Variants in POLQ observed in about 807,000 individuals in gnomAD.
POLQ encodes the protein DNA polymerase theta, also known as epididymis secretory sperm binding protein.
In POLQ, 233 loss-of-function variants were observed where a neutral mutation model predicts 259.2. That is an observed-to-expected ratio of 0.90 (90% CI 0.81 to 1.00). The LOEUF is 1.00. POLQ is among the 50% of genes least tolerant of loss of function. The pLI, the probability that POLQ is intolerant of heterozygous loss-of-function variation, is 0.00. For synonymous variants in POLQ, 1,025 were observed against 1,048.8 expected, an observed-to-expected ratio of 0.98 and a Z score of 0.44; for missense variants, 2,871 against 3,051.6, an observed-to-expected ratio of 0.94 and a Z score of 1.39.
chr3:121,534,356 G>T (rs188127513), intron 5 of POLQ, among the ~76,000 whole-genome samples: 21 of 151,216 alleles, frequency 1.4e-4, no homozygotes, highest in Non-Finnish European at 7.4e-5. Flanking sequence ...TTGAGACAGG[G>T]TCTAGCTCTG....
intron 19 of POLQ, 76 bp downstream of exon 19, chr3:121,481,496 A>T: frequency 7.8e-7 from 1 of 1,286,964 alleles, no homozygotes; most frequent in East Asian, 2.3e-5. Context: ...TGTGTAATTT[A>T]CCCATTTTTG....
intron 7 of POLQ, among the ~76,000 whole-genome samples, chr3:121,529,052 C>CT (rs1276875722): frequency 2.6e-5 from 4 of 151,686 alleles, no homozygotes; most frequent in Admixed American, 2.0e-4. Flanking sequence ...CATGACATAC[C>CT]TTTTTCTTTT....
intron 28 of POLQ, among the ~76,000 whole-genome samples, chr3:121,435,119 G>T (rs528574582): frequency 6.6e-6 from 1 of 152,144 alleles, no homozygotes; most frequent in Admixed American, 6.5e-5. Flanking sequence ...AGCTGAGATC[G>T]TGCCACTGCA....
In POLQ at chr3:121,490,147, CTT is replaced by C; in HGVS notation, c.2782_2783del (p.Lys928GlufsTer4). ...VKEHTFISQT[K>X]SSYKKLTSKN... is the part of the protein sequence containing the mutation. ...TTGATGTTAATTTTTTATAAGAACT[CTT>C]AGTTTGGGATATAAATGTGTGTTCC... On this transcript the variant is annotated frameshift_variant, in exon 16 of 30. Coordinates refer to ENST00000264233, the MANE Select transcript of POLQ (RefSeq NM_199420.4). LOFTEE classifies it high-confidence loss of function. 1 of 1,610,172 alleles carries C rather than the reference CTT, an allele frequency of 6.2e-7. No homozygotes were observed. Among genetic ancestry groups the C allele is most frequent in the Non-Finnish European group, 8.5e-7 (1 of 1,177,380 alleles).
At chr3:121,463,404 C>T (rs2047809500) in intron 24 of POLQ, among the ~76,000 whole-genome samples, 1 of 152,146 alleles carries the variant, frequency 6.6e-6, no homozygotes, top group African/African-American at 2.4e-5. Context: ...TATAAATCAC[C>T]CAGTCTCAGG....
At chr3:121,457,347 C>G (rs1307650090) in intron 25 of POLQ, among the ~76,000 whole-genome samples, 3 of 152,140 alleles carry the variant, frequency 2.0e-5, no homozygotes, top group Non-Finnish European at 2.9e-5. Flanking sequence ...GTCTAAAACA[C>G]CAAAAGCAAT....
chr3:121,472,207 T>C (rs764206183), intron 21 of POLQ, 43 bp from the exon 22 acceptor site: 1 of 911,666 alleles, frequency 1.1e-6, no homozygotes, highest in East Asian at 2.6e-5. Flanking sequence ...TTGTCCAAAT[T>C]CCACAGCAAG....
In POLQ at chr3:121,510,034, C is replaced by T. The variant is rs1320641276; in HGVS notation, c.1816+5G>A. On this transcript the variant is annotated splice_donor_5th_base_variant and intron_variant, in intron 11 of 29. Transcript: ENST00000264233. ...AGTAAATTGCAACTGAGAAGTCACA[C>T]TTACCTTCTGTTCCATCACTGGCTT... 7.5e-6 allele frequency: 12 copies of T among 1,606,994 alleles called. No homozygotes were observed. In the East Asian group the frequency reaches 1.3e-4, roughly 18 times the overall value.
intron 14 of POLQ, chr3:121,494,350 C>T: frequency 6.3e-7 from 1 of 1,596,620 alleles, no homozygotes; most frequent in Non-Finnish European, 8.5e-7. Flanking sequence ...CTGCGATTAA[C>T]CAGTTCACCC....
At chr3:121,516,352 A>T (rs1004194579) in intron 9 of POLQ, among the ~76,000 whole-genome samples, 1 of 152,218 alleles carries the variant, frequency 6.6e-6, no homozygotes. Flanking sequence ...AAACACACAC[A>T]TATAAATTAC....
intron 26 of POLQ, among the ~76,000 whole-genome samples, chr3:121,449,085 G>T (rs2047652696): frequency 6.6e-6 from 1 of 152,138 alleles, no homozygotes; most frequent in South Asian, 2.1e-4. Context: ...TGACACAGTA[G>T]ATTCACATCA....
Position 121,501,921 on chromosome 3 carries a change from C to T in POLQ, c.1960-3251G>A, listed in dbSNP as rs147557863. 6.2e-3 allele frequency among the ~76,000 whole-genome samples: 913 copies of T among 147,080 alleles called. 8 individuals carry two copies. Among genetic ancestry groups the T allele is most frequent in the African/African-American group, 0.021 (834 of 39,796 alleles). On this transcript the variant is annotated intron_variant, in intron 12 of 29. Transcript: ENST00000264233. Reference sequence around the variant, plus strand: ...ATGAGAATTGCTTGAACCTGGGAGGCGGAGGTTGCAGTGAGCAGAGACTGC... The same window carrying T: ...ATGAGAATTGCTTGAACCTGGGAGGTGGAGGTTGCAGTGAGCAGAGACTGC...
chr3:121,457,191 C>T (rs558290015), intron 25 of POLQ, among the ~76,000 whole-genome samples: 52 of 152,272 alleles, frequency 3.4e-4, no homozygotes, highest in Non-Finnish European at 6.8e-4. Flanking sequence ...ATGTAGAAAC[C>T]TGAAACTGGA....
chr3:121,498,461 A>G lies in POLQ; in HGVS notation c.2153+16T>C. 1 of 1,598,492 alleles carries G rather than the reference A, an allele frequency of 6.3e-7. No individual in the cohort carries two copies. Among genetic ancestry groups the G allele is most frequent in the Non-Finnish European group, 8.6e-7 (1 of 1,167,220 alleles). On this transcript the variant is annotated intron_variant, in intron 13 of 29. Transcript: ENST00000264233. ...CTGTGTTAAATACCGGAGAGCCCAG[A>G]GACCTTGACGTTTACCTTTTATGGA...
intron 17 of POLQ, among the ~76,000 whole-genome samples, chr3:121,484,609 T>C (rs943111723): frequency 1.3e-5 from 2 of 152,096 alleles, no homozygotes; most frequent in East Asian, 3.8e-4. Flanking sequence ...CTCCAAAAAA[T>C]TACAATTTTT....
At chr3:121,457,107 A>G (rs1286121551) in intron 25 of POLQ, among the ~76,000 whole-genome samples, 7 of 152,202 alleles carry the variant, frequency 4.6e-5, no homozygotes, top group African/African-American at 2.4e-5. Flanking sequence ...GATCTTTGAC[A>G]AACCTGAGAA....
intron 10 of POLQ, 90 bp downstream of exon 10, chr3:121,511,797 T>C: frequency 9.6e-7 from 1 of 1,042,506 alleles, no homozygotes; most frequent in Non-Finnish European, 1.4e-6. Flanking sequence ...TTAAAAAAAA[T>C]AAATAAATAA....
chr3:121,473,831 AT>A (rs1414247152), intron 20 of POLQ, among the ~76,000 whole-genome samples: 1 of 146,638 alleles, frequency 6.8e-6, no homozygotes, highest in Non-Finnish European at 1.5e-5. Flanking sequence ...GGCTCAAGTG[AT>A]CCTCCCACCT....
At chr3:121,468,190 G>A (rs2047854068) in intron 23 of POLQ, 115 bp downstream of exon 23, 1 of 817,976 alleles carries the variant, frequency 1.2e-6, no homozygotes, top group African/African-American at 1.8e-5. Flanking sequence ...GGACAGAAAT[G>A]GGTATGTCTG....
Sources: allele counts gnomAD v4.1 joint callset (sites outside exome capture counted in the v4.1 genomes callset), GRCh38; gene constraint gnomAD v4.1.1; transcripts MANE v1.5; gene names NCBI Gene and HGNC (gene_info 2026-07-23, HGNC 2026-07-21).